The following GALK2 variants were observed in gnomAD, a reference collection of about 807,000 sequenced individuals.
GALK2 encodes galactokinase 2.
A neutral mutation model predicts 52.4 loss-of-function variants in GALK2; 36 were observed. The observed-to-expected ratio is 0.69, with a 90% CI of 0.53 to 0.91. GALK2 has a LOEUF of 0.91. GALK2 is among the 40% of genes least tolerant of loss of function. The pLI is 0.00. For synonymous variants in GALK2, 176 were observed against 199.1 expected (o/e 0.88, Z 0.98); for missense variants, 579 against 559.1 (o/e 1.04, Z -0.36).
At chr15:49,170,473 G>A (rs2084997149) in intron 1 of GALK2, 98 bp downstream of exon 1, 4 of 1,271,374 alleles carry the variant, frequency 3.1e-6, no homozygotes, top group Admixed American at 4.2e-5. Flanking sequence ...CGCTGCTTTT[G>A]GTCCCGGGGA....
chr15:49,331,699 C>T lies in GALK2; in HGVS notation c.*3540C>T, dbSNP rs1450838426. 3.4e-6 allele frequency: 3 copies of T among 869,854 alleles called. No individual in the cohort carries two copies. The highest frequency in any genetic ancestry group is 1.7e-5 in the African/African-American group (1 of 60,356). The allele number at this position is 869,854 out of a possible 1,614,324, so 53.9% of individuals were successfully genotyped here. The stretch of plus-strand genomic sequence containing the variant: ...ACTGTAATTTGGGTGTGCCACCATA[C>T]ATTGCTTATGAAATATTGTCCAGTC... On this transcript the variant is annotated 3_prime_UTR_variant, in exon 10 of 10. Coordinates refer to ENST00000560031, the MANE Select transcript of GALK2 (RefSeq NM_002044.4).
rs562577417 is a variant in GALK2 at position 49,210,731 on chromosome 15, G to A, written c.143-6459G>A. On this transcript the variant is annotated intron_variant, in intron 2 of 9. Coordinates refer to ENST00000560031, the MANE Select transcript of GALK2 (RefSeq NM_002044.4). ...GTTAGGATTACAGGCGTGAGTCGCCGTGCCTGGTCTATTTTATTTTATTTT... is the reference window on the plus strand; with the variant it reads ...GTTAGGATTACAGGCGTGAGTCGCCATGCCTGGTCTATTTTATTTTATTTT... Among the ~76,000 whole-genome samples, 12 of 152,044 alleles carry A rather than the reference G, an allele frequency of 7.9e-5. No homozygotes were observed. In the East Asian group the frequency reaches 1.9e-3, roughly 24 times the overall value.
chr15:49,336,879 T>G (rs1171656152), downstream of GALK2, among the ~76,000 whole-genome samples: 2 of 152,172 alleles, frequency 1.3e-5, no homozygotes, highest in Non-Finnish European at 2.9e-5. Context: ...TCTTACAGTA[T>G]GCAGTGTCTA....
intron 5 of GALK2, among the ~76,000 whole-genome samples, chr15:49,274,872 A>G (rs1174148137): frequency 6.6e-6 from 1 of 152,174 alleles, no homozygotes; most frequent in Non-Finnish European, 1.5e-5. Context: ...GAAGGTCTTC[A>G]GGGGCAATAA....
At position 49,329,865 on chromosome 15, in the gene GALK2, C is replaced by A; in HGVS notation, c.*1706C>A. The A allele has an allele frequency of 3.1e-6, 2 of 646,978 alleles. No individual in the cohort carries two copies. The highest frequency in any genetic ancestry group is 3.8e-6 in the Non-Finnish European group (2 of 522,664). 40.1% of individuals were successfully genotyped at this position (646,978 alleles called of 1,614,324 possible). A position where few individuals can be genotyped will look rare whatever the true frequency, so the allele number is the denominator to read the frequency against. ...TTGCTGTTCCATTTACAATTTTCAC[C>A]AGGTGATTTCTTCTTCACAAAAGGT... On this transcript the variant is annotated 3_prime_UTR_variant, in exon 10 of 10. Transcript: ENST00000560031.
chr15:49,226,133 T>C (rs2141427542), intron 3 of GALK2, among the ~76,000 whole-genome samples: 1 of 152,254 alleles, frequency 6.6e-6, no homozygotes, highest in African/African-American at 2.4e-5. Flanking sequence ...CTTGCGGCTG[T>C]CATGTGTGCC....
At chr15:49,211,849 A>G (rs1282074050) in intron 2 of GALK2, among the ~76,000 whole-genome samples, 1 of 152,148 alleles carries the variant, frequency 6.6e-6, no homozygotes, top group Non-Finnish European at 1.5e-5. Flanking sequence ...TGATTCAATC[A>G]ACACCCACCA....
chr15:49,266,991 G>A (rs1012585910), intron 5 of GALK2, among the ~76,000 whole-genome samples: 1 of 152,120 alleles, frequency 6.6e-6, no homozygotes, highest in African/African-American at 2.4e-5. Flanking sequence ...TGGGAGGAAC[G>A]AGATGATGAA....
At chr15:49,183,415 G>GGTT (rs1472568623) in intron 1 of GALK2, among the ~76,000 whole-genome samples, 2 of 152,020 alleles carry the variant, frequency 1.3e-5, no homozygotes, top group African/African-American at 2.4e-5. Context: ...CTTATTCATT[G>GGTT]ACCTACTGGT....
intron 5 of GALK2, among the ~76,000 whole-genome samples, chr15:49,266,308 T>A (rs1181517781): frequency 6.6e-6 from 1 of 152,036 alleles, no homozygotes; most frequent in Non-Finnish European, 1.5e-5. Flanking sequence ...TTATCCCAGA[T>A]TTAATGAGTG....
At chr15:49,165,800 CTT>C (rs552058665), upstream of GALK2, among the ~76,000 whole-genome samples, 23 of 134,642 alleles carry the variant, frequency 1.7e-4, no homozygotes, top group Admixed American at 3.7e-4. Flanking sequence ...TAATGTATTT[CTT>C]TTTTTTTTTT....
chr15:49,170,199 T>TC, upstream of GALK2: 2 of 1,490,190 alleles, frequency 1.3e-6, no homozygotes, highest in Non-Finnish European at 1.8e-6. Context: ...CTGCAGGATT[T>TC]CCGCAGGGCG....
chr15:49,204,931 A>G (rs1312900765), intron 2 of GALK2, among the ~76,000 whole-genome samples: 2 of 152,186 alleles, frequency 1.3e-5, no homozygotes, highest in African/African-American at 4.8e-5. Flanking sequence ...GCCCCCACAT[A>G]TCAGTGAGAA....
chr15:49,292,516 CTGAGTCCAAACACTCAAGATGG>C lies in GALK2; in HGVS notation c.952_967+6del. 6.2e-7 allele frequency: 1 copy of C among 1,613,754 alleles called. No individual in the cohort carries two copies. The highest frequency in any genetic ancestry group is 1.3e-5 in the African/African-American group (1 of 75,044). On this transcript the variant is annotated splice_donor_variant and coding_sequence_variant, in exon 8 of 10. Transcript: ENST00000560031. LOFTEE classifies it high-confidence loss of function. ...CCTGGAGGAACTCCGAACCCAAATC[CTGAGTCCAAACACTCAAGATGG>C]TGAGTTGGCTGGAGAAAGTATGATA...
chr15:49,287,338 CTT>C (rs1361443185), intron 7 of GALK2, among the ~76,000 whole-genome samples: 4 of 152,102 alleles, frequency 2.6e-5, no homozygotes, highest in African/African-American at 9.7e-5. Context: ...AAATGAAAGA[CTT>C]TATCAAGATG....
chr15:49,332,904 CCT>C (rs1274404453), downstream of GALK2, among the ~76,000 whole-genome samples: 1 of 152,058 alleles, frequency 6.6e-6, no homozygotes, highest in Non-Finnish European at 1.5e-5. Context: ...GTACATGCCC[CCT>C]CACTCATTCT....
chr15:49,185,394 G>A (rs2086271488), intron 1 of GALK2, among the ~76,000 whole-genome samples: 1 of 152,132 alleles, frequency 6.6e-6, no homozygotes, highest in Admixed American at 6.5e-5. Context: ...AGGCACCTGG[G>A]TTTGATTCCA....
intron 5 of GALK2, among the ~76,000 whole-genome samples, chr15:49,250,875 T>G (rs1268473578): frequency 6.6e-6 from 1 of 152,152 alleles, no homozygotes; most frequent in African/African-American, 2.4e-5. Flanking sequence ...TCCTACTATA[T>G]CCAAAGCAAA....
At chr15:49,360,366 A>G (rs1033280194) in intron 3 of GALK2, among the ~76,000 whole-genome samples, 5 of 152,200 alleles carry the variant, frequency 3.3e-5, no homozygotes, top group African/African-American at 1.2e-4. Flanking sequence ...GTGAATGTTT[A>G]AAACTCATGT....
Sources: allele counts gnomAD v4.1 joint callset (sites outside exome capture counted in the v4.1 genomes callset), GRCh38; gene constraint gnomAD v4.1.1; transcripts MANE v1.5; gene names NCBI Gene and HGNC (gene_info 2026-07-23, HGNC 2026-07-21).